The following KYAT1 variants were observed in gnomAD, a reference collection of about 807,000 sequenced individuals.
KYAT1 encodes kynurenine aminotransferase 1.
In KYAT1, 47 loss-of-function variants were observed where a neutral mutation model predicts 52.4. The ratio of observed to expected loss-of-function variants is 0.90; its 90% CI spans 0.71 to 1.14. The LOEUF is 1.14. KYAT1 is among the 50% of genes most tolerant of loss of function. The pLI, the probability that KYAT1 is intolerant of heterozygous loss-of-function variation, is 0.00. For synonymous variants in KYAT1, 212 were observed against 209.6 expected, an observed-to-expected ratio of 1.01 and a Z score of -0.10; for missense variants, 480 against 557.9, an observed-to-expected ratio of 0.86 and a Z score of 1.41.
chr9:128,837,682 T>A lies in KYAT1; in HGVS notation c.567+3A>T. On this transcript the variant is annotated splice_donor_region_variant and intron_variant, in intron 6 of 12. Transcript: ENST00000302586. Reference sequence around the variant, plus strand: ...GGGCCAGGGAAGGAGGTCCCTCCAGTACCTTGCCCAGGGGGTTGTTGGGGG... The same window carrying A: ...GGGCCAGGGAAGGAGGTCCCTCCAGAACCTTGCCCAGGGGGTTGTTGGGGG... 14 of 1,614,068 alleles carry A rather than the reference T, an allele frequency of 8.7e-6. No homozygotes were observed. The highest frequency in any genetic ancestry group is 1.2e-5 in the Non-Finnish European group (14 of 1,179,994).
chr9:128,853,736 T>C (rs1383382134), intron 1 of KYAT1, among the ~76,000 whole-genome samples: 4 of 152,240 alleles, frequency 2.6e-5, no homozygotes, highest in African/African-American at 7.2e-5. Context: ...CCTTGACTCA[T>C]GTAAATGCAT....
chr9:128,863,692 G>A (rs1438702116), intron 1 of KYAT1, among the ~76,000 whole-genome samples: 4 of 152,134 alleles, frequency 2.6e-5, no homozygotes, highest in Non-Finnish European at 5.9e-5. Context: ...ACTTGGCCAG[G>A]TTGGTTGGGA....
At chr9:128,858,118 T>A (rs575946660) in intron 1 of KYAT1, among the ~76,000 whole-genome samples, 1 of 152,046 alleles carries the variant, frequency 6.6e-6, no homozygotes, top group Admixed American at 6.6e-5. Flanking sequence ...CAGCCAAGGC[T>A]GGGCACGGTG....
rs529255615 is a variant in KYAT1, at chr9:128,864,550, C to T, written c.-7+17347G>A. Among the ~76,000 whole-genome samples the T allele has an allele frequency of 3.9e-5, 6 of 152,160 alleles. No individual in the cohort carries two copies. In the South Asian group the frequency reaches 1.2e-3, roughly 32 times the overall value. On this transcript the variant is annotated intron_variant, in intron 1 of 12. Transcript: ENST00000302586. ...TTTACCCTCTGGCCCATAGCCCAGCCCATTTGCTGTCTCTGCGATTTTGAC... is the reference window on the plus strand; with the variant it reads ...TTTACCCTCTGGCCCATAGCCCAGCTCATTTGCTGTCTCTGCGATTTTGAC...
chr9:128,844,936 C>T (rs981630200), intron 2 of KYAT1, among the ~76,000 whole-genome samples: 1 of 152,170 alleles, frequency 6.6e-6, no homozygotes, highest in Non-Finnish European at 1.5e-5. Flanking sequence ...TGGTGAAGAG[C>T]TGACTGTATC....
chr9:128,861,057 T>C lies in KYAT1; in HGVS notation c.-6-15646A>G, dbSNP rs57082147. On this transcript the variant is annotated intron_variant, in intron 1 of 12. Coordinates refer to ENST00000302586, the MANE Select transcript of KYAT1 (RefSeq NM_004059.5). ...CATTCTGTTGGAACAATGGGAACAATAGACTTGCTTGGTGCAAGGTTCTCA... is the reference window on the plus strand; with the variant it reads ...CATTCTGTTGGAACAATGGGAACAACAGACTTGCTTGGTGCAAGGTTCTCA... Among the ~76,000 whole-genome samples the C allele has an allele frequency of 7.4e-3, 1,129 of 152,320 alleles. 8 individuals are homozygous for C. The highest frequency in any genetic ancestry group is 0.019 in the African/African-American group (797 of 41,584).
intron 1 of KYAT1, chr9:128,846,611 A>G: frequency 2.0e-6 from 2 of 995,182 alleles, no homozygotes; most frequent in Admixed American, 6.1e-5. Context: ...AAAAAAAAAA[A>G]AAAAAAAAAA....
chr9:128,867,060 G>A, intron 1 of KYAT1, among the ~76,000 whole-genome samples: 1 of 152,192 alleles, frequency 6.6e-6, no homozygotes, highest in Non-Finnish European at 1.5e-5. Context: ...ACTAAAAGGT[G>A]AGAATTTGTG....
intron 1 of KYAT1, among the ~76,000 whole-genome samples, chr9:128,878,851 A>G (rs576232738): frequency 6.6e-6 from 1 of 152,318 alleles, no homozygotes; most frequent in South Asian, 2.1e-4. Context: ...CACACAACAG[A>G]TAGGCAGATA....
chr9:128,833,320 G>A lies in KYAT1; in HGVS notation c.*264C>T. The A allele has an allele frequency of 8.6e-6, 5 of 583,152 alleles. No individual in the cohort carries two copies. The highest frequency in any genetic ancestry group is 1.2e-5 in the Non-Finnish European group (4 of 327,524). The allele number at this position is 583,152 out of a possible 1,614,324, so 36.1% of individuals were successfully genotyped here. A position where few individuals can be genotyped will look rare whatever the true frequency, so the allele number is the denominator to read the frequency against. ...TCAGCCAAGCCTGGAGAGACCAGAA[G>A]CAACACAAGACCCTACAAACCCACC... is the stretch of plus-strand genomic sequence containing the variant. On this transcript the variant is annotated 3_prime_UTR_variant, in exon 13 of 13. Transcript: ENST00000302586.
intron 1 of KYAT1, among the ~76,000 whole-genome samples, chr9:128,872,608 A>C (rs1837395015): frequency 6.6e-6 from 1 of 150,704 alleles, no homozygotes; most frequent in African/African-American, 2.4e-5. Context: ...TCTCTAATAA[A>C]ATACAAAAAG....
At position 128,848,981 on chromosome 9, in the gene KYAT1, G is replaced by A. The variant is rs559468330; in HGVS notation, c.-6-3570C>T. Among the ~76,000 whole-genome samples the A allele has an allele frequency of 2.0e-5, 3 of 152,018 alleles. No homozygotes were observed. In the South Asian group the frequency reaches 6.2e-4, roughly 32 times the overall value. ...ATACAAAAAATTAGCTGGGTGTGGT[G>A]GCACATGACTGTAGTCCCAGCTACT... On this transcript the variant is annotated intron_variant, in intron 1 of 12. Coordinates refer to ENST00000302586, the MANE Select transcript of KYAT1 (RefSeq NM_004059.5).
chr9:128,861,104 C>T (rs559510883), intron 1 of KYAT1, among the ~76,000 whole-genome samples: 1 of 152,302 alleles, frequency 6.6e-6, no homozygotes, highest in South Asian at 2.1e-4. Flanking sequence ...TTTGCAAAGA[C>T]CGTGATATCT....
chr9:128,833,852 A>C, intron 11 of KYAT1, 26 bp from the exon 12 acceptor site: 1 of 1,599,594 alleles, frequency 6.3e-7, no homozygotes, highest in South Asian at 1.1e-5. Flanking sequence ...GACATGTCTC[A>C]ACACGGCCTC....
upstream of KYAT1, chr9:128,882,110 T>C (rs1839037406): frequency 2.0e-5 from 3 of 152,164 alleles, no homozygotes; most frequent in Admixed American, 6.5e-5. Flanking sequence ...GGCGGTGACG[T>C]CACTTCCGGG....
intron 2 of KYAT1, among the ~76,000 whole-genome samples, chr9:128,843,382 C>CT (rs542736022): frequency 0.32 from 45,052 of 139,788 alleles, 7,810 homozygotes; most frequent in African/African-American, 0.47. Context: ...AAGAAATCAT[C>CT]TTTTTTTTTT....
At chr9:128,868,700 C>A (rs982056805) in intron 1 of KYAT1, among the ~76,000 whole-genome samples, 7 of 148,746 alleles carry the variant, frequency 4.7e-5, no homozygotes, top group Non-Finnish European at 1.0e-4. Context: ...CCATGCCTGG[C>A]TAATTTTTTT....
At chr9:128,841,694 C>CA (rs71383615) in intron 3 of KYAT1, among the ~76,000 whole-genome samples, 61,112 of 105,748 alleles carry the variant, frequency 0.58, 19,094 homozygotes, top group Non-Finnish European at 0.69. Flanking sequence ...GACTCCATCT[C>CA]AAAAAAAAAA....
chr9:128,872,774 A>G (rs1837424669), intron 1 of KYAT1, among the ~76,000 whole-genome samples: 1 of 146,694 alleles, frequency 6.8e-6, no homozygotes, highest in African/African-American at 2.5e-5. Context: ...TCTCAAAAGA[A>G]AAAAAAAGAC....
Sources: gnomAD v4.1 joint callset for allele counts (sites outside exome capture counted in the v4.1 genomes callset) on GRCh38, gnomAD v4.1.1 for gene constraint, MANE v1.5 for transcripts, NCBI Gene and HGNC (gene_info 2026-07-23, HGNC 2026-07-21) for gene names.